ERVV-2: variants seen among roughly 807,000 people sequenced by gnomAD.
The protein encoded by ERVV-2 is endogenous retrovirus group V member 2 Env polyprotein.
For missense variants in ERVV-2, 291 were observed against 495.1 expected, an observed-to-expected ratio of 0.59 and a Z score of 3.91; for synonymous variants, 105 against 184.6, an observed-to-expected ratio of 0.57 and a Z score of 3.49.
intron 1 of ERVV-2, among the ~76,000 whole-genome samples, chr19:53,047,569 T>C (rs2083895976): frequency 6.6e-6 from 1 of 151,872 alleles, no homozygotes. Flanking sequence ...AGCAAAACAA[T>C]AGGAAGAAAT....
intron 1 of ERVV-2, among the ~76,000 whole-genome samples, chr19:53,046,597 A>G (rs1326286208): frequency 2.0e-5 from 3 of 152,332 alleles, no homozygotes; most frequent in African/African-American, 2.4e-5. Context: ...AAAAACCAGA[A>G]TCAACAGCCC....
At chr19:53,048,188 A>G (rs2083897895) in intron 1 of ERVV-2, among the ~76,000 whole-genome samples, 1 of 152,100 alleles carries the variant, frequency 6.6e-6, no homozygotes, top group Non-Finnish European at 1.5e-5. Context: ...CCTGGCCAAC[A>G]TGGTGAAACC....
At position 53,050,638 on chromosome 19, in the gene ERVV-2, C is replaced by G; in HGVS notation, c.1387C>G (p.Pro463Ala). 1 of 1,380,672 alleles carries G rather than the reference C, an allele frequency of 7.2e-7. No individual in the cohort carries two copies. The highest frequency in any genetic ancestry group is 9.9e-7 in the Non-Finnish European group (1 of 1,005,708). The allele number at this position is 1,380,672 out of a possible 1,614,324, so 85.5% of individuals were successfully genotyped here. ...SLNWFVPLLG[P>A]ATVILLLFLF... ...CAACTGGTTTGTCCCTTTACTGGGA[C>G]CAGCAACAGTTATACTCTTACTTTT... is the stretch of plus-strand genomic sequence containing the variant. Residue 463 changes from proline (P) to alanine (A), a missense_variant, in exon 2 of 2, where the codon CCA becomes GCA. Coordinates refer to ENST00000601417, the MANE Select transcript of ERVV-2 (RefSeq NM_001191055.2).
Position 53,051,052 on chromosome 19 carries a change from C to T in ERVV-2, c.*193C>T, listed in dbSNP as rs73935210. ...CCCTTGGGAAAGGAATCTTTAGAAA[C>T]GCAGCCCACTGATAGCTTCCTTGGT... On this transcript the variant is annotated 3_prime_UTR_variant, in exon 2 of 2. Coordinates refer to ENST00000601417, the MANE Select transcript of ERVV-2 (RefSeq NM_001191055.2). 4,295 of 547,450 alleles carry T rather than the reference C, an allele frequency of 7.8e-3. 151 individuals are homozygous for T. Among genetic ancestry groups the T allele is most frequent in the African/African-American group, 0.073 (3,792 of 52,106 alleles). 33.9% of individuals were successfully genotyped at this position (547,450 alleles called of 1,614,324 possible). A position where few individuals can be genotyped will look rare whatever the true frequency, so the allele number is the denominator to read the frequency against.
At chr19:53,045,677 G>T (rs931402100) in intron 1 of ERVV-2, among the ~76,000 whole-genome samples, 10 of 151,960 alleles carry the variant, frequency 6.6e-5, no homozygotes, top group Admixed American at 6.6e-4. Flanking sequence ...TCACTCCCCT[G>T]AACACCATAT....
chr19:53,044,787 C>T lies in ERVV-2; in HGVS notation c.-557C>T, dbSNP rs1209326823. 3 of 151,982 alleles carry T rather than the reference C, an allele frequency of 2.0e-5. No individual in the cohort carries two copies. The highest frequency in any genetic ancestry group is 1.3e-4 in the Admixed American group (2 of 15,220). The allele number at this position is 151,982 out of a possible 1,614,324, so 9.4% of individuals were successfully genotyped here. A position where few individuals can be genotyped will look rare whatever the true frequency, so the allele number is the denominator to read the frequency against. ...CACTCGGTTCTGTCGTTCAGGGTGT[C>T]GCTTCTTTCTGAGCTCCTGTCTCTT... On this transcript the variant is annotated 5_prime_UTR_variant, in exon 1 of 2. Transcript: ENST00000601417.
intron 1 of ERVV-2, among the ~76,000 whole-genome samples, chr19:53,045,622 C>A (rs1217724121): frequency 6.6e-6 from 1 of 152,132 alleles, no homozygotes; most frequent in East Asian, 1.9e-4. Context: ...ATTAAAACTA[C>A]AATCCGGTGT....
At chr19:53,048,052 A>G (rs187058562) in intron 1 of ERVV-2, among the ~76,000 whole-genome samples, 19 of 152,248 alleles carry the variant, frequency 1.2e-4, no homozygotes, top group African/African-American at 4.1e-4. Flanking sequence ...AAGAAAAGGA[A>G]AGGAAACAGC....
chr19:53,046,879 C>T (rs988970596), intron 1 of ERVV-2, among the ~76,000 whole-genome samples: 1 of 152,096 alleles, frequency 6.6e-6, no homozygotes, highest in African/African-American at 2.4e-5. Flanking sequence ...TGGAGAAACC[C>T]CGTATCGGCT....
chr19:53,048,641 C>T (rs898000675), intron 1 of ERVV-2, among the ~76,000 whole-genome samples: 31 of 145,010 alleles, frequency 2.1e-4, no homozygotes, highest in African/African-American at 6.0e-4. Flanking sequence ...CGCCATTGCA[C>T]TCCAGCCTGG....
rs2083901374 is a variant in ERVV-2 at position 53,048,981 on chromosome 19, G to A, written c.-271G>A. The A allele has an allele frequency of 1.7e-6, 1 of 589,852 alleles. No individual in the cohort carries two copies. Among genetic ancestry groups the A allele is most frequent in the Non-Finnish European group, 3.0e-6 (1 of 336,436 alleles). 36.5% of individuals were successfully genotyped at this position (589,852 alleles called of 1,614,324 possible). On this transcript the variant is annotated 5_prime_UTR_variant, in exon 2 of 2. Coordinates refer to ENST00000601417, the MANE Select transcript of ERVV-2 (RefSeq NM_001191055.2). ...ATTCAGCACCTGAGCATTCTTGTGA[G>A]CCACTGGAGAACTTAAAATTCCACT...
Position 53,050,482 on chromosome 19 carries a change from A to T in ERVV-2, c.1231A>T (p.Asn411Tyr), listed in dbSNP as rs762088748. 94 of 722,374 alleles carry T rather than the reference A, an allele frequency of 1.3e-4. No homozygotes were observed. The highest frequency in any genetic ancestry group is 6.8e-4 in the Middle Eastern group (3 of 4,410). The allele number at this position is 722,374 out of a possible 1,614,324, so 44.7% of individuals were successfully genotyped here. A position where few individuals can be genotyped will look rare whatever the true frequency, so the allele number is the denominator to read the frequency against. The change falls in exon 2 of 2, where the codon AAT (asparagine) becomes TAT (tyrosine). Residue 411 changes from asparagine (N) to tyrosine (Y), a missense_variant. Coordinates refer to ENST00000601417, the MANE Select transcript of ERVV-2 (RefSeq NM_001191055.2). ...VINKSCCVYVNNSGAIEEDIK... is the reference protein window; with the variant it reads ...VINKSCCVYVYNSGAIEEDIK... The stretch of plus-strand genomic sequence containing the variant: ...CAATAAATCCTGTTGCGTTTATGTC[A>T]ATAACAGTGGGGCGATAGAGGAGGA...
Position 53,049,300 on chromosome 19 carries a change from C to T in ERVV-2, c.49C>T (p.Leu17=). 1 of 1,087,266 alleles carries T rather than the reference C, an allele frequency of 9.2e-7. No homozygotes were observed. Among genetic ancestry groups the T allele is most frequent in the Non-Finnish European group, 1.3e-6 (1 of 770,110 alleles). The allele number at this position is 1,087,266 out of a possible 1,614,324, so 67.4% of individuals were successfully genotyped here. ...TTATCTTTCCCTCCTTCCCATGCCC[C>T]TACTCTCACAGGCACAGTGGAATGA... is the stretch of plus-strand genomic sequence containing the variant. ...FLYLSLLPMP[L]LSQAQWNENS... Residue 17 remains leucine, a synonymous_variant, in exon 2 of 2, where the codon CTA becomes TTA. Coordinates refer to ENST00000601417, the MANE Select transcript of ERVV-2 (RefSeq NM_001191055.2).
At chr19:53,048,611 G>T (rs1467995245) in intron 1 of ERVV-2, among the ~76,000 whole-genome samples, 1 of 147,860 alleles carries the variant, frequency 6.8e-6, no homozygotes, top group Non-Finnish European at 1.5e-5. Flanking sequence ...GGAGGCGGAG[G>T]TTGCGGTGAG....
chr19:53,049,128 C>T lies in ERVV-2; in HGVS notation c.-124C>T, dbSNP rs1600776381. On this transcript the variant is annotated 5_prime_UTR_variant, in exon 2 of 2. Coordinates refer to ENST00000601417, the MANE Select transcript of ERVV-2 (RefSeq NM_001191055.2). ...TCCTTATTTTGACCCAACTGGCATG[C>T]CACCTGAAGTCCCGATAACAGCCTG... 49 of 922,840 alleles carry T rather than the reference C, an allele frequency of 5.3e-5. No homozygotes were observed. The East Asian group carries it at 1.2e-3, about 23-fold the overall frequency. 57.2% of individuals were successfully genotyped at this position (922,840 alleles called of 1,614,324 possible). A position where few individuals can be genotyped will look rare whatever the true frequency, so the allele number is the denominator to read the frequency against.
chr19:53,045,710 C>G (rs997201703), intron 1 of ERVV-2, among the ~76,000 whole-genome samples: 4 of 152,100 alleles, frequency 2.6e-5, no homozygotes, highest in Admixed American at 1.3e-4. Flanking sequence ...GATTAATCTC[C>G]CAGGTCACTC....
At chr19:53,047,325 G>A (rs1444279249) in intron 1 of ERVV-2, among the ~76,000 whole-genome samples, 1 of 152,132 alleles carries the variant, frequency 6.6e-6, no homozygotes, top group Non-Finnish European at 1.5e-5. Flanking sequence ...TCCAGCCTGG[G>A]CAACAAGAGA....
chr19:53,044,766 C>CGGTTCTGT lies in ERVV-2; in HGVS notation c.-577_-570dup, dbSNP rs2083883993. The CGGTTCTGT allele has an allele frequency of 6.6e-6, 1 of 152,046 alleles. No homozygotes were observed. Among genetic ancestry groups the CGGTTCTGT allele is most frequent in the Admixed American group, 6.6e-5 (1 of 15,240 alleles). 9.4% of individuals were successfully genotyped at this position (152,046 alleles called of 1,614,324 possible). ...GACTCCTTCTTTTCAGGAGCCCACTCGGTTCTGTCGTTCAGGGTGTCGCTT... is the reference window on the plus strand; with the variant it reads ...GACTCCTTCTTTTCAGGAGCCCACTCGGTTCTGTGGTTCTGTCGTTCAGGGTGTCGCTT... On this transcript the variant is annotated 5_prime_UTR_variant, in exon 1 of 2. Transcript: ENST00000601417.
At chr19:53,048,546 A>G (rs1025653891) in intron 1 of ERVV-2, among the ~76,000 whole-genome samples, 24 of 150,104 alleles carry the variant, frequency 1.6e-4, no homozygotes, top group African/African-American at 5.9e-4. Flanking sequence ...ATGCTGGTAC[A>G]TGCCTGTAAT....
Sources: allele counts gnomAD v4.1 joint callset (sites outside exome capture counted in the v4.1 genomes callset), GRCh38; gene constraint gnomAD v4.1.1; transcripts MANE v1.5; gene names NCBI Gene and HGNC (gene_info 2026-07-23, HGNC 2026-07-21).